PAK1: variants seen among roughly 807,000 people sequenced by gnomAD.
PAK1 encodes p21 (RAC1) activated kinase 1, also known as serine/threonine-protein kinase PAK 1.
In PAK1, 29 loss-of-function variants were observed where a neutral mutation model predicts 67.4. The ratio of observed to expected loss-of-function variants is 0.43; its 90% CI spans 0.32 to 0.59. The LOEUF is 0.59. PAK1 is among the 20% of genes least tolerant of loss of function. The pLI is 0.07. For missense variants in PAK1, 337 were observed against 670.7 expected (o/e 0.50, Z 5.50); for synonymous variants, 223 against 237.4 (o/e 0.94, Z 0.56).
intron 2 of PAK1, among the ~76,000 whole-genome samples, chr11:77,390,565 C>G (rs567632152): frequency 6.6e-6 from 1 of 151,522 alleles, no homozygotes; most frequent in East Asian, 1.9e-4. Flanking sequence ...GGCATGATCA[C>G]AGCTCACTGC....
chr11:77,322,578 G>A lies in PAK1; in HGVS notation c.*696C>T. ...ATAAACAAGGGACAGGATAGGGGCA[G>A]CAGCCTAGGGTATGCAGGGAATCAA... is the stretch of plus-strand genomic sequence containing the variant. On this transcript the variant is annotated 3_prime_UTR_variant, in exon 15 of 15. Coordinates refer to ENST00000356341, the MANE Select transcript of PAK1 (RefSeq NM_002576.5). 4.9e-6 allele frequency: 1 copy of A among 202,448 alleles called. No homozygotes were observed. The highest frequency in any genetic ancestry group is 5.3e-5 in the Admixed American group (1 of 18,722). 12.5% of individuals were successfully genotyped at this position (202,448 alleles called of 1,614,324 possible).
rs775594927 is a variant in PAK1, at chr11:77,355,840, T to G, written c.600A>C (p.Val200=). The change falls in exon 7 of 15, where the codon GTA becomes GTC. Residue 200 remains valine, a splice_region_variant and synonymous_variant. Coordinates refer to ENST00000356341, the MANE Select transcript of PAK1 (RefSeq NM_002576.5). ...GTGGTTCAATCACAGACCGTGTGTA[T>G]ACCTGCATTATTAGTGCAAAATTTT... is the stretch of plus-strand genomic sequence containing the variant. ...IAPRPEHTKS[V]YTRSVIEPLP... is the part of the protein sequence containing the mutation. 2.5e-6 allele frequency: 4 copies of G among 1,612,860 alleles called. No individual in the cohort carries two copies. The highest frequency in any genetic ancestry group is 3.4e-6 in the Non-Finnish European group (4 of 1,179,254).
the PAK1 span, among the ~76,000 whole-genome samples, chr11:77,504,611 G>T: frequency 1.3e-5 from 2 of 152,190 alleles, no homozygotes; most frequent in African/African-American, 4.8e-5. Context: ...ATACTTGTGT[G>T]AGAATGAGAC....
intron 1 of PAK1, among the ~76,000 whole-genome samples, chr11:77,457,867 C>T (rs1466112658): frequency 6.6e-6 from 1 of 152,196 alleles, no homozygotes; most frequent in Non-Finnish European, 1.5e-5. Flanking sequence ...TCAAATGCTA[C>T]CATATACCTG....
intron 1 of PAK1, among the ~76,000 whole-genome samples, chr11:77,453,859 T>C (rs3015983): frequency 0.24 from 36,820 of 151,934 alleles, 5,067 homozygotes; most frequent in Non-Finnish European, 0.31. Context: ...GGCAGGAGGA[T>C]TGCTTGAACT....
the PAK1 span, among the ~76,000 whole-genome samples, chr11:77,528,438 C>CA: frequency 1.3e-5 from 2 of 151,816 alleles, no homozygotes; most frequent in Admixed American, 6.6e-5. Context: ...TAGCTCACTG[C>CA]AGCCTCAAAC....
chr11:77,404,124 A>G (rs978266926), intron 1 of PAK1, among the ~76,000 whole-genome samples: 2 of 152,198 alleles, frequency 1.3e-5, no homozygotes, highest in African/African-American at 2.4e-5. Flanking sequence ...TCTTTTCTTT[A>G]GAAATTACCT....
Position 77,416,943 on chromosome 11 carries a change from ACT to A in PAK1, c.-21-24404_-21-24403del, listed in dbSNP as rs1309346612. ...ACTCCAGCCTGGGCAAGAGAGCAAG[ACT>A]CTGTCTCAAAAAAAAAAAAAAGTAC... On this transcript the variant is annotated intron_variant, in intron 1 of 14. Coordinates refer to ENST00000356341, the MANE Select transcript of PAK1 (RefSeq NM_002576.5). Among the ~76,000 whole-genome samples, 7 of 150,252 alleles carry A rather than the reference ACT, an allele frequency of 4.7e-5. No individual in the cohort carries two copies. In the South Asian group the frequency reaches 6.3e-4, roughly 14 times the overall value.
At chr11:77,342,466 T>C (rs1943754724) in intron 10 of PAK1, among the ~76,000 whole-genome samples, 1 of 152,204 alleles carries the variant, frequency 6.6e-6, no homozygotes, top group Non-Finnish European at 1.5e-5. Flanking sequence ...ATACCCTTAC[T>C]GACAGCTTTC....
At chr11:77,324,431 G>A (rs907627743) in intron 14 of PAK1, among the ~76,000 whole-genome samples, 5 of 151,972 alleles carry the variant, frequency 3.3e-5, no homozygotes, top group Non-Finnish European at 5.9e-5. Context: ...CCTCAGCCTC[G>A]CGAAGTGCTG....
At chr11:77,333,967 G>A (rs550755552) in intron 13 of PAK1, among the ~76,000 whole-genome samples, 2 of 151,968 alleles carry the variant, frequency 1.3e-5, no homozygotes, top group Non-Finnish European at 2.9e-5. Context: ...CGAGACCATC[G>A]AGAACAGCCT....
chr11:77,328,295 T>C lies in PAK1; in HGVS notation c.1551+4435A>G, dbSNP rs1381235775. ...CTGCAACAAGAGGACCTAATAGACA[T>C]CTACAGAACTCTCCACCCCAAATCA... On this transcript the variant is annotated intron_variant, in intron 14 of 14. Coordinates refer to ENST00000356341, the MANE Select transcript of PAK1 (RefSeq NM_002576.5). Among the ~76,000 whole-genome samples the C allele has an allele frequency of 3.9e-5, 6 of 152,252 alleles. No homozygotes were observed. In the East Asian group the frequency reaches 7.7e-4, roughly 20 times the overall value.
chr11:77,324,172 CTTTT>C (rs11324143), intron 14 of PAK1, among the ~76,000 whole-genome samples: 2 of 127,452 alleles, frequency 1.6e-5, no homozygotes, highest in Non-Finnish European at 3.3e-5. Flanking sequence ...AAAGCAATTC[CTTTT>C]TTTTTTTTTT....
intron 5 of PAK1, among the ~76,000 whole-genome samples, chr11:77,370,434 T>A (rs1386989513): frequency 2.0e-5 from 3 of 152,222 alleles, no homozygotes; most frequent in Admixed American, 6.5e-5. Flanking sequence ...TGCCTTTTGT[T>A]CACTGTAAGG....
At chr11:77,371,630 G>C (rs945250018) in intron 5 of PAK1, among the ~76,000 whole-genome samples, 1 of 152,102 alleles carries the variant, frequency 6.6e-6, no homozygotes, top group African/African-American at 2.4e-5. Context: ...TTCACAAGTG[G>C]AATCATCTGT....
chr11:77,407,397 T>C (rs2137900478), intron 1 of PAK1, among the ~76,000 whole-genome samples: 1 of 152,296 alleles, frequency 6.6e-6, no homozygotes, highest in South Asian at 2.1e-4. Context: ...TTCAATCCTC[T>C]CCTATTAGTC....
intron 1 of PAK1, among the ~76,000 whole-genome samples, chr11:77,416,893 C>T (rs1459028072): frequency 6.6e-6 from 1 of 151,668 alleles, no homozygotes; most frequent in Non-Finnish European, 1.5e-5. Context: ...GCGGAGCTTG[C>T]AGTGAGCAGA....
chr11:77,500,632 GC>G, the PAK1 span, among the ~76,000 whole-genome samples: 2 of 151,926 alleles, frequency 1.3e-5, no homozygotes, highest in Non-Finnish European at 2.9e-5. Flanking sequence ...GATCATTTGA[GC>G]CCCAGAGTTC....
At chr11:77,397,266 T>C (rs773707071) in intron 1 of PAK1, 25 of 152,348 alleles carry the variant, frequency 1.6e-4, no homozygotes, top group Admixed American at 5.2e-4. Flanking sequence ...ACTAATTATA[T>C]TGAAGCATTA....
Sources: gnomAD v4.1 joint callset for allele counts (sites outside exome capture counted in the v4.1 genomes callset) on GRCh38, gnomAD v4.1.1 for gene constraint, MANE v1.5 for transcripts, NCBI Gene and HGNC (gene_info 2026-07-23, HGNC 2026-07-21) for gene names.